Variants in PPP1R15B observed in about 807,000 individuals in gnomAD.
PPP1R15B encodes protein phosphatase 1, regulatory (inhibitor) subunit 15B.
Under a neutral mutation model 53.9 loss-of-function variants are expected in PPP1R15B, and 31 were observed. The observed-to-expected ratio is 0.58, with a 90% CI of 0.43 to 0.78. The LOEUF is 0.78. Ranked by LOEUF, PPP1R15B falls within the 30% of genes least tolerant of loss-of-function variation. The pLI, the probability that PPP1R15B is intolerant of heterozygous loss-of-function variation, is 0.00. For synonymous variants in PPP1R15B, 345 were observed against 329.1 expected, an observed-to-expected ratio of 1.05 and a Z score of -0.52; for missense variants, 928 against 849.6, an observed-to-expected ratio of 1.09 and a Z score of -1.15.
At position 204,410,213 on chromosome 1, in the gene PPP1R15B, C is replaced by T; in HGVS notation, c.1199G>A (p.Arg400Gln). 1.2e-6 allele frequency: 2 copies of T among 1,614,052 alleles called. No individual in the cohort carries two copies. The change falls in exon 1 of 2, where the codon CGA becomes CAA. Residue 400 changes from arginine to glutamine, a missense_variant. Physicochemically the swap from Arg to Gln is conservative, Grantham distance 43. Transcript: ENST00000367188. ...IPMEKEPGEG[R>Q]ISVVDYSYLE... ...GTATGAGTAATCAACTACACTTATTCGGCCCTCTCCAGGCTCCTTTTCCAT... is the reference window on the plus strand; with the variant it reads ...GTATGAGTAATCAACTACACTTATTTGGCCCTCTCCAGGCTCCTTTTCCAT...
At chr1:204,401,398 G>T (rs1036901429), downstream of PPP1R15B, among the ~76,000 whole-genome samples, 1 of 152,164 alleles carries the variant, frequency 6.6e-6, no homozygotes, top group Non-Finnish European at 1.5e-5. Flanking sequence ...ATTCAACTAA[G>T]TTCATAAGGA....
At chr1:204,397,718 C>T (rs1674115127), downstream of PPP1R15B, among the ~76,000 whole-genome samples, 1 of 152,064 alleles carries the variant, frequency 6.6e-6, no homozygotes, top group Admixed American at 6.6e-5. Context: ...AAAACAATGT[C>T]CTCAACCATC....
chr1:204,410,093 C>T lies in PPP1R15B; in HGVS notation c.1319G>A (p.Ser440Asn), dbSNP rs866357201. The change falls in exon 1 of 2, where the codon AGT (serine) becomes AAT (asparagine). Residue 440 changes from serine to asparagine, a missense_variant. Transcript: ENST00000367188. Reference sequence around the variant, plus strand: ...CCAATCCTCACCTTCTGGATCAGAACTTGTTTCCAGGTCACTGGATGCACC... The same window carrying T: ...CCAATCCTCACCTTCTGGATCAGAATTTGTTTCCAGGTCACTGGATGCACC... ...LGGASSDLET[S>N]SDPEGEDWDE... 5 of 1,614,072 alleles carry T rather than the reference C, an allele frequency of 3.1e-6. No homozygotes were observed. The African/African-American group carries it at 5.3e-5, about 17-fold the overall frequency.
At chr1:204,397,584 TG>T (rs1300105179), downstream of PPP1R15B, among the ~76,000 whole-genome samples, 2 of 152,186 alleles carry the variant, frequency 1.3e-5, no homozygotes, top group African/African-American at 4.8e-5. Context: ...ATGCTAAGTA[TG>T]TGAGGTAATA....
At chr1:204,400,440 G>A (rs546781222), downstream of PPP1R15B, among the ~76,000 whole-genome samples, 270 of 151,654 alleles carry the variant, frequency 1.8e-3, 1 homozygote, top group Middle Eastern at 0.01. Context: ...CTCCCAAGTA[G>A]GTGGGACTAC....
chr1:204,397,748 T>A (rs1338294109), downstream of PPP1R15B, among the ~76,000 whole-genome samples: 1 of 152,188 alleles, frequency 6.6e-6, no homozygotes, highest in Non-Finnish European at 1.5e-5. Context: ...TGGATATGAA[T>A]GGTATCCTGC....
rs766116914 is a variant in PPP1R15B, at chr1:204,406,091, C to G, written c.*1G>C. The G allele has an allele frequency of 6.2e-7, 1 of 1,613,994 alleles. No individual in the cohort carries two copies. The highest frequency in any genetic ancestry group is 8.5e-7 in the Non-Finnish European group (1 of 1,179,958). The stretch of plus-strand genomic sequence containing the variant: ...GCTAGCTAGGACTACAGGCTGCCAA[C>G]TCAACATTGCTTGAGAACATTAAGT... On this transcript the variant is annotated 3_prime_UTR_variant, in exon 2 of 2. Transcript: ENST00000367188.
At chr1:204,400,607 T>G, downstream of PPP1R15B, 1 of 294,878 alleles carries the variant, frequency 3.4e-6, no homozygotes, top group Non-Finnish European at 5.1e-6. Context: ...ATTACAGGCA[T>G]GAGCCACCAC....
Position 204,411,781 on chromosome 1 carries a change from G to T in PPP1R15B, c.-370C>A. The T allele has an allele frequency of 3.9e-6, 1 of 258,086 alleles. No individual in the cohort carries two copies. The highest frequency in any genetic ancestry group is 2.3e-5 in the African/African-American group (1 of 44,306). The allele number at this position is 258,086 out of a possible 1,614,324, so 16.0% of individuals were successfully genotyped here. A position where few individuals can be genotyped will look rare whatever the true frequency, so the allele number is the denominator to read the frequency against. On this transcript the variant is annotated 5_prime_UTR_variant, in exon 1 of 2. Coordinates refer to ENST00000367188, the MANE Select transcript of PPP1R15B (RefSeq NM_032833.5). ...AGCAACGCGATACCGGAAGGACTGGGTAGGCCGGCTGGTGCGGTGGAAGCG... is the reference window on the plus strand; with the variant it reads ...AGCAACGCGATACCGGAAGGACTGGTTAGGCCGGCTGGTGCGGTGGAAGCG...
rs555813805 is a variant in PPP1R15B, at chr1:204,404,131, T to G, written c.*1961A>C. ...ATGACGCCTGCTTTCCAACCGACAT[T>G]GCTGTTGCTTGAAACTAGCCTGTTT... On this transcript the variant is annotated 3_prime_UTR_variant, in exon 2 of 2. Transcript: ENST00000367188. The G allele has an allele frequency of 3.0e-6, 3 of 985,308 alleles. No homozygotes were observed. Among genetic ancestry groups the G allele is most frequent in the South Asian group, 9.4e-5 (2 of 21,292 alleles). The allele number at this position is 985,308 out of a possible 1,614,324, so 61.0% of individuals were successfully genotyped here.
intron 1 of PPP1R15B, 68 bp downstream of exon 1, chr1:204,409,424 T>C: frequency 6.6e-7 from 1 of 1,506,444 alleles, no homozygotes; most frequent in Non-Finnish European, 8.9e-7. Context: ...TCCAAAGTCA[T>C]GCTGCTATAT....
At chr1:204,406,682 G>A (rs191853194) in intron 1 of PPP1R15B, among the ~76,000 whole-genome samples, 21 of 151,946 alleles carry the variant, frequency 1.4e-4, no homozygotes, top group South Asian at 2.1e-4. Flanking sequence ...AACCTGGGAG[G>A]TGGAGGTTGC....
In PPP1R15B at chr1:204,403,382, T is replaced by A; in HGVS notation, c.*2710A>T. On this transcript the variant is annotated 3_prime_UTR_variant, in exon 2 of 2. Coordinates refer to ENST00000367188, the MANE Select transcript of PPP1R15B (RefSeq NM_032833.5). ...TATAAAGTTGAACCAAAATATCACTTAACATTTAATAATTGCAAATATATT... is the reference window on the plus strand; with the variant it reads ...TATAAAGTTGAACCAAAATATCACTAAACATTTAATAATTGCAAATATATT... 1.5e-6 allele frequency: 1 copy of A among 682,152 alleles called. No homozygotes were observed. 42.3% of individuals were successfully genotyped at this position (682,152 alleles called of 1,614,324 possible).
At position 204,406,134 on chromosome 1, in the gene PPP1R15B, C is replaced by G; in HGVS notation, c.2100G>C (p.Gln700His). ...CATTAAGTCCTTTGAAGCATGTTCC[C>G]TGGAGTCTATTAAACATTCTTTCTC... ...EHRERMFNRLQGTCFKGLNVL... is the reference protein window; with the variant it reads ...EHRERMFNRLHGTCFKGLNVL... The change falls in exon 2 of 2, where the codon CAG becomes CAC. Residue 700 changes from glutamine (Q) to histidine (H), a missense_variant. By Grantham distance (24) the Gln-to-His change is conservative. Coordinates refer to ENST00000367188, the MANE Select transcript of PPP1R15B (RefSeq NM_032833.5). 6.2e-7 allele frequency: 1 copy of G among 1,614,116 alleles called. No homozygotes were observed. The highest frequency in any genetic ancestry group is 1.3e-5 in the African/African-American group (1 of 75,026).
Position 204,405,055 on chromosome 1 carries a change from C to T in PPP1R15B, c.*1037G>A, listed in dbSNP as rs1674241597. The T allele has an allele frequency of 1.0e-6, 1 of 985,648 alleles. No individual in the cohort carries two copies. The highest frequency in any genetic ancestry group is 1.7e-5 in the African/African-American group (1 of 57,212). 61.1% of individuals were successfully genotyped at this position (985,648 alleles called of 1,614,324 possible). A position where few individuals can be genotyped will look rare whatever the true frequency, so the allele number is the denominator to read the frequency against. On this transcript the variant is annotated 3_prime_UTR_variant, in exon 2 of 2. Transcript: ENST00000367188. Reference sequence around the variant, plus strand: ...ATTTTACATTTCAAACGTGAAAATTCAGAACTGCCCATTTCCAATTTTACA... The same window carrying T: ...ATTTTACATTTCAAACGTGAAAATTTAGAACTGCCCATTTCCAATTTTACA...
chr1:204,397,789 T>A (rs988621315), downstream of PPP1R15B, among the ~76,000 whole-genome samples: 3 of 152,056 alleles, frequency 2.0e-5, no homozygotes, highest in African/African-American at 7.2e-5. Context: ...ACGATGACAA[T>A]GTTTCAGCGA....
chr1:204,400,792 A>G, downstream of PPP1R15B: 1 of 872,324 alleles, frequency 1.1e-6, no homozygotes, highest in South Asian at 5.2e-5. Context: ...GTAGGGATCT[A>G]TAAAACAGTA....
chr1:204,401,072 C>A (rs544240311), downstream of PPP1R15B, among the ~76,000 whole-genome samples: 3 of 152,362 alleles, frequency 2.0e-5, no homozygotes, highest in East Asian at 5.8e-4. Context: ...AGTGGTGAAA[C>A]ACTGATGTAA....
chr1:204,404,058 G>A lies in PPP1R15B; in HGVS notation c.*2034C>T, dbSNP rs1439405266. 9 of 985,276 alleles carry A rather than the reference G, an allele frequency of 9.1e-6. No homozygotes were observed. The highest frequency in any genetic ancestry group is 9.6e-6 in the Non-Finnish European group (8 of 829,932). The allele number at this position is 985,276 out of a possible 1,614,324, so 61.0% of individuals were successfully genotyped here. ...CTCGGAAATAAAATGTTTCAGCCTG[G>A]TTTTAAAAGAATGCCTGTATGTTGT... is the stretch of plus-strand genomic sequence containing the variant. On this transcript the variant is annotated 3_prime_UTR_variant, in exon 2 of 2. Transcript: ENST00000367188.
Sources: gnomAD v4.1 joint callset for allele counts (sites outside exome capture counted in the v4.1 genomes callset) on GRCh38, gnomAD v4.1.1 for gene constraint, MANE v1.5 for transcripts, NCBI Gene and HGNC (gene_info 2026-07-23, HGNC 2026-07-21) for gene names.